Variants in CRISPLD2 observed in about 807,000 individuals in gnomAD.
CRISPLD2 encodes the protein cysteine-rich secretory protein LCCL domain-containing 2.
Under a neutral mutation model 71.1 loss-of-function variants are expected in CRISPLD2, and 47 were observed. The ratio of observed to expected loss-of-function variants is 0.66; its 90% confidence interval spans 0.52 to 0.84. The LOEUF (loss-of-function observed/expected upper bound fraction) is 0.84. Among genes scored for constraint, CRISPLD2 ranks in the 40% least tolerant of loss-of-function variants. The probability of loss-of-function intolerance (pLI) is 0.00; values close to 1 mark genes in which losing one functional copy is unlikely to be tolerated. For synonymous variants in CRISPLD2, 317 were observed against 250.1 expected (o/e 1.27, Z -2.52); for missense variants, 830 against 651.1 (o/e 1.27, Z -2.99).
At chr16:84,823,574 C>A (rs1365819648) in intron 1 of CRISPLD2, among the ~76,000 whole-genome samples, 1 of 152,200 alleles carries the variant, frequency 6.6e-6, no homozygotes, top group Non-Finnish European at 1.5e-5. Context: ...TGGGTCACAG[C>A]AGCAGCAGGC....
At chr16:84,898,997 A>G (rs1024473421) in intron 14 of CRISPLD2, among the ~76,000 whole-genome samples, 1 of 151,996 alleles carries the variant, frequency 6.6e-6, no homozygotes, top group African/African-American at 2.4e-5. Context: ...GACTCAAGCA[A>G]TCCTCCCACC....
intron 14 of CRISPLD2, among the ~76,000 whole-genome samples, chr16:84,895,189 C>A (rs527351382): frequency 6.6e-5 from 10 of 152,310 alleles, no homozygotes; most frequent in Non-Finnish European, 1.0e-4. Context: ...GGAAGGGAAG[C>A]ACAGAGAGGT....
chr16:84,831,260 T>A (rs1238429541), intron 1 of CRISPLD2, among the ~76,000 whole-genome samples: 1 of 152,126 alleles, frequency 6.6e-6, no homozygotes, highest in Non-Finnish European at 1.5e-5. Flanking sequence ...CCTGGCCAGG[T>A]GGTGACATGA....
intron 13 of CRISPLD2, among the ~76,000 whole-genome samples, chr16:84,886,916 C>T (rs1416024617): frequency 6.6e-6 from 1 of 152,214 alleles, no homozygotes; most frequent in Non-Finnish European, 1.5e-5. Context: ...GTTCGACCTC[C>T]AGAACTCTTT....
chr16:84,877,347 C>A, intron 11 of CRISPLD2, 91 bp from the exon 12 acceptor site: 1 of 1,173,568 alleles, frequency 8.5e-7, no homozygotes, highest in Non-Finnish European at 1.3e-6. Context: ...ACCCATAGGC[C>A]CTGGTAGTCT....
Position 84,891,349 on chromosome 16 carries a change from G to T in CRISPLD2, c.1439+1986G>T, listed in dbSNP as rs776098757. ...TTTGTGCAGCGGGCTTGCCCTGTCT[G>T]TGAAGATGCCACAGCATCACTTGTA... On this transcript the variant is annotated intron_variant, in intron 14 of 14. Transcript: ENST00000262424. 4.0e-4 allele frequency among the ~76,000 whole-genome samples: 61 copies of T among 152,204 alleles called. 1 individual carries two copies. The highest frequency in any genetic ancestry group is 7.2e-4 in the Admixed American group (11 of 15,278).
intron 6 of CRISPLD2, among the ~76,000 whole-genome samples, chr16:84,861,790 G>T (rs966096693): frequency 6.6e-6 from 1 of 152,170 alleles, no homozygotes; most frequent in Non-Finnish European, 1.5e-5. Flanking sequence ...AACCAGGTGT[G>T]GTCACGTGCA....
chr16:84,888,890 C>G (rs771747020), intron 13 of CRISPLD2, among the ~76,000 whole-genome samples: 6 of 152,180 alleles, frequency 3.9e-5, no homozygotes, highest in Non-Finnish European at 8.8e-5. Context: ...TCTTCATAGC[C>G]GATGCTACCT....
intron 14 of CRISPLD2, among the ~76,000 whole-genome samples, chr16:84,897,870 G>A (rs751348611): frequency 6.6e-6 from 1 of 152,200 alleles, no homozygotes; most frequent in Non-Finnish European, 1.5e-5. Context: ...GCCTGCCTTG[G>A]CCTCCCAAAA....
intron 1 of CRISPLD2, among the ~76,000 whole-genome samples, chr16:84,826,523 C>T (rs1315270737): frequency 6.6e-6 from 1 of 152,242 alleles, no homozygotes; most frequent in Non-Finnish European, 1.5e-5. Context: ...GAAGACACCT[C>T]TATGATGTGT....
At position 84,877,481 on chromosome 16, in the gene CRISPLD2, G is replaced by A. The variant is rs746270156; in HGVS notation, c.1200G>A (p.Pro400=). Residue 400 remains proline, a synonymous_variant, in exon 12 of 15, where the codon CCG becomes CCA. Coordinates refer to ENST00000262424, the MANE Select transcript of CRISPLD2 (RefSeq NM_031476.4). ...ACACGACCGTTGCTCAGCTGTGCCC[G>A]TTTGAAAAGCCAGCAACTCACTGCC... ...DCYTTVAQLC[P]FEKPATHCPR... The A allele has an allele frequency of 5.1e-5, 83 of 1,613,738 alleles. No homozygotes were observed. Among genetic ancestry groups the A allele is most frequent in the South Asian group, 2.3e-4 (21 of 91,088 alleles).
chr16:84,864,364 C>G (rs1031554648), intron 6 of CRISPLD2, among the ~76,000 whole-genome samples: 3 of 152,190 alleles, frequency 2.0e-5, no homozygotes, highest in Admixed American at 1.3e-4. Flanking sequence ...ATGCTTTAGA[C>G]CGCTTTACCA....
At chr16:84,884,631 A>G (rs938117385) in intron 13 of CRISPLD2, among the ~76,000 whole-genome samples, 2 of 152,024 alleles carry the variant, frequency 1.3e-5, no homozygotes, top group African/African-American at 4.8e-5. Flanking sequence ...AGAGGTGTGG[A>G]GGAAGGAAGA....
intron 14 of CRISPLD2, among the ~76,000 whole-genome samples, chr16:84,891,929 C>G (rs1037769423): frequency 1.3e-5 from 2 of 152,228 alleles, no homozygotes; most frequent in African/African-American, 2.4e-5. Context: ...CTCCCAAGCA[C>G]ACATGTCACT....
chr16:84,837,089 C>T (rs72799558), intron 1 of CRISPLD2, among the ~76,000 whole-genome samples: 14,771 of 152,242 alleles, frequency 0.097, 891 homozygotes, highest in Non-Finnish European at 0.14. Flanking sequence ...CAAAATAAGG[C>T]GCTTGATGGA....
At chr16:84,845,267 G>A (rs1220882756) in intron 2 of CRISPLD2, among the ~76,000 whole-genome samples, 8 of 152,218 alleles carry the variant, frequency 5.3e-5, no homozygotes, top group Admixed American at 3.9e-4. Context: ...GCAATGAAAA[G>A]GTTGGGGTAA....
chr16:84,889,244 C>G lies in CRISPLD2; in HGVS notation c.1320C>G (p.Cys440Trp). ...TGTGCTTCCAGACCTCAAGCATCTG[C>G]AAGACAGCCGTGCACGCGGGAGTCA... Reference protein sequence around the residue: ...TNIYADTSSICKTAVHAGVIS... With the variant: ...TNIYADTSSIWKTAVHAGVIS... The change falls in exon 14 of 15, where the codon TGC becomes TGG. Residue 440 changes from cysteine (C) to tryptophan (W), a missense_variant. Physicochemically the swap from Cys to Trp is radical, Grantham distance 215. Transcript: ENST00000262424. 1 of 1,614,140 alleles carries G rather than the reference C, an allele frequency of 6.2e-7. No homozygotes were observed. The highest frequency in any genetic ancestry group is 8.5e-7 in the Non-Finnish European group (1 of 1,180,000).
intron 6 of CRISPLD2, among the ~76,000 whole-genome samples, chr16:84,863,426 T>A (rs1917443711): frequency 6.6e-6 from 1 of 152,202 alleles, no homozygotes; most frequent in African/African-American, 2.4e-5. Context: ...GGGTGCCTGG[T>A]AAGGCCTTGA....
intron 2 of CRISPLD2, among the ~76,000 whole-genome samples, chr16:84,843,398 A>T (rs1916828761): frequency 6.6e-6 from 1 of 152,196 alleles, no homozygotes; most frequent in African/African-American, 2.4e-5. Context: ...CCTTTGAAAC[A>T]GCCTTAGCAC....
Sources: allele counts gnomAD v4.1 joint callset (sites outside exome capture counted in the v4.1 genomes callset), GRCh38; gene constraint gnomAD v4.1.1; transcripts MANE v1.5; gene names NCBI Gene and HGNC (gene_info 2026-07-23, HGNC 2026-07-21).